Variants in MACROD2 observed in about 807,000 individuals in gnomAD.
MACROD2 encodes the protein ADP-ribose glycohydrolase MACROD2.
A neutral mutation model predicts 70.4 loss-of-function variants in MACROD2; 36 were observed. The observed-to-expected ratio is 0.51, with a 90% CI of 0.39 to 0.68. MACROD2 has a LOEUF of 0.68. Among genes scored for constraint, MACROD2 ranks in the 30% least tolerant of loss-of-function variants. MACROD2 has a pLI of 0.00. For synonymous variants in MACROD2, 172 were observed against 178.8 expected, an observed-to-expected ratio of 0.96 and a Z score of 0.30; for missense variants, 496 against 538.4, an observed-to-expected ratio of 0.92 and a Z score of 0.78.
intron 8 of MACROD2, among the ~76,000 whole-genome samples, chr20:15,527,928 G>C (rs1369907980): frequency 6.6e-6 from 1 of 152,046 alleles, no homozygotes; most frequent in Non-Finnish European, 1.5e-5. Flanking sequence ...CATTTAGCTT[G>C]TTTGTTGCCT....
chr20:15,067,297 G>T (rs1477124283), intron 5 of MACROD2, among the ~76,000 whole-genome samples: 1 of 152,070 alleles, frequency 6.6e-6, no homozygotes, highest in Non-Finnish European at 1.5e-5. Flanking sequence ...TATGTATAAA[G>T]ACTTTAAAAA....
chr20:14,213,366 A>AAAAAAC, intron 3 of MACROD2, among the ~76,000 whole-genome samples: 1 of 145,242 alleles, frequency 6.9e-6, no homozygotes, highest in Non-Finnish European at 1.5e-5. Context: ...AGTGGCAAAA[A>AAAAAAC]AAAAAAAAAA....
chr20:14,693,812 A>G (rs2071089466), intron 5 of MACROD2, among the ~76,000 whole-genome samples: 1 of 152,204 alleles, frequency 6.6e-6, no homozygotes, highest in African/African-American at 2.4e-5. Flanking sequence ...GTGATTGTCT[A>G]GGAGTGTGAA....
rs77421882 is a variant in MACROD2, at chr20:14,374,826, A to G, written c.272-118653A>G. On this transcript the variant is annotated intron_variant, in intron 3 of 17. Coordinates refer to ENST00000684519, the MANE Select transcript of MACROD2 (RefSeq NM_001351661.2). ...GGCTAACCATGACAGTGGACCGAAAAAAACAAGCTTTTTGATTAGGAGTTT... is the reference window on the plus strand; with the variant it reads ...GGCTAACCATGACAGTGGACCGAAAGAAACAAGCTTTTTGATTAGGAGTTT... Among the ~76,000 whole-genome samples the G allele has an allele frequency of 6.4e-3, 968 of 152,298 alleles. 12 individuals are homozygous for G. Among genetic ancestry groups the G allele is most frequent in the African/African-American group, 0.023 (945 of 41,566 alleles).
At chr20:15,080,388 T>A (rs538132420) in intron 5 of MACROD2, among the ~76,000 whole-genome samples, 7 of 152,148 alleles carry the variant, frequency 4.6e-5, no homozygotes, top group African/African-American at 1.7e-4. Flanking sequence ...TATCTTAATA[T>A]GCACTGCCGC....
chr20:14,646,033 TAAATAAATAAGTTA>T lies in MACROD2; in HGVS notation c.302-38809_302-38796del, dbSNP rs1195598100. ...AAGTTATAAGAAATAACTTATATAT[TAAATAAATAAGTTA>T]TAAGAAATACCATATATTAAATAAA... On this transcript the variant is annotated intron_variant, in intron 4 of 17. Coordinates refer to ENST00000684519, the MANE Select transcript of MACROD2 (RefSeq NM_001351661.2). Among the ~76,000 whole-genome samples the T allele has an allele frequency of 2.7e-5, 4 of 150,646 alleles. No individual in the cohort carries two copies. In the East Asian group the frequency reaches 7.8e-4, roughly 29 times the overall value.
At chr20:14,006,343 A>G (rs2052820040) in intron 2 of MACROD2, among the ~76,000 whole-genome samples, 1 of 152,208 alleles carries the variant, frequency 6.6e-6, no homozygotes, top group African/African-American at 2.4e-5. Flanking sequence ...TACACGGCCA[A>G]TTTTATTTCA....
chr20:15,368,223 C>A (rs1369568565), intron 6 of MACROD2, among the ~76,000 whole-genome samples: 1 of 151,840 alleles, frequency 6.6e-6, no homozygotes, highest in African/African-American at 2.4e-5. Flanking sequence ...ACTCTCAGGC[C>A]CACCCCCGCC....
intron 2 of MACROD2, among the ~76,000 whole-genome samples, chr20:14,076,497 A>C (rs527607035): frequency 1.3e-5 from 2 of 151,696 alleles, no homozygotes; most frequent in East Asian, 1.9e-4. Context: ...CAAAAAAAAA[A>C]CCCCAAACGC....
At chr20:15,661,388 G>A (rs2049819797) in intron 8 of MACROD2, among the ~76,000 whole-genome samples, 1 of 152,132 alleles carries the variant, frequency 6.6e-6, no homozygotes, top group Non-Finnish European at 1.5e-5. Flanking sequence ...AAGGTTACAG[G>A]GGAAGCAGGC....
intron 3 of MACROD2, among the ~76,000 whole-genome samples, chr20:14,146,356 T>C (rs933087856): frequency 2.0e-5 from 3 of 152,134 alleles, no homozygotes; most frequent in Non-Finnish European, 4.4e-5. Context: ...TTTCTGTCAG[T>C]ATCGGGTTGC....
intron 12 of MACROD2, among the ~76,000 whole-genome samples, chr20:15,938,327 G>A (rs758259780): frequency 6.6e-6 from 1 of 151,974 alleles, no homozygotes; most frequent in Non-Finnish European, 1.5e-5. Context: ...AAGTTTTGTG[G>A]GAACCCTGCA....
intron 2 of MACROD2, among the ~76,000 whole-genome samples, chr20:14,081,038 G>T (rs971874159): frequency 3.9e-5 from 6 of 152,260 alleles, no homozygotes; most frequent in African/African-American, 1.4e-4. Context: ...CCTTTTTCTT[G>T]TCTAGGCCCC....
intron 3 of MACROD2, among the ~76,000 whole-genome samples, chr20:14,274,793 G>T (rs1291850372): frequency 6.6e-6 from 1 of 151,478 alleles, no homozygotes; most frequent in Non-Finnish European, 1.5e-5. Flanking sequence ...AGCAATTTCA[G>T]CAAAGTCTCA....
intron 3 of MACROD2, among the ~76,000 whole-genome samples, chr20:14,138,406 G>A (rs1036334751): frequency 6.6e-6 from 1 of 152,044 alleles, no homozygotes; most frequent in African/African-American, 2.4e-5. Context: ...CTATTTATAT[G>A]CAGTGGAATA....
chr20:14,095,647 G>C (rs567067926), intron 3 of MACROD2, among the ~76,000 whole-genome samples: 2 of 152,202 alleles, frequency 1.3e-5, no homozygotes, highest in East Asian at 3.9e-4. Context: ...TAATTCCTTA[G>C]TTGACCTTTT....
chr20:14,916,135 C>A (rs995519521), intron 5 of MACROD2, among the ~76,000 whole-genome samples: 1 of 152,170 alleles, frequency 6.6e-6, no homozygotes. Flanking sequence ...GCCCACTTTA[C>A]TCTCCCAGCA....
At chr20:14,542,806 A>G (rs1269642066) in intron 4 of MACROD2, among the ~76,000 whole-genome samples, 2 of 152,212 alleles carry the variant, frequency 1.3e-5, no homozygotes, top group Non-Finnish European at 2.9e-5. Context: ...ACTTTGCTGC[A>G]TAATTGAAAA....
intron 5 of MACROD2, among the ~76,000 whole-genome samples, chr20:14,735,409 T>C (rs1246279454): frequency 1.3e-5 from 2 of 152,120 alleles, no homozygotes; most frequent in Admixed American, 1.3e-4. Flanking sequence ...CTGTCAGTCA[T>C]TAGGGAAGTG....
Sources: gnomAD v4.1 joint callset for allele counts (sites outside exome capture counted in the v4.1 genomes callset) on GRCh38, gnomAD v4.1.1 for gene constraint, MANE v1.5 for transcripts, NCBI Gene and HGNC (gene_info 2026-07-23, HGNC 2026-07-21) for gene names.